Variants in ASS1 observed in about 807,000 individuals in gnomAD.
ASS1 encodes argininosuccinate synthase 1, also known as argininosuccinate synthase.
In ASS1, 58 loss-of-function variants were observed where a neutral mutation model predicts 60.5. The observed-to-expected ratio is 0.96, with a 90% CI of 0.78 to 1.19. The LOEUF (loss-of-function observed/expected upper bound fraction) is 1.19. Among genes scored for constraint, ASS1 ranks in the 50% most tolerant of loss-of-function variants. The pLI, the probability that ASS1 is intolerant of heterozygous loss-of-function variation, is 0.00. For missense variants in ASS1, 454 were observed against 547.3 expected (o/e 0.83, Z 1.70); for synonymous variants, 200 against 206.9 (o/e 0.97, Z 0.29).
Position 130,501,121 on chromosome 9 carries a change from C to T in ASS1, c.*100C>T, listed in dbSNP as rs911251437. The T allele has an allele frequency of 7.4e-6, 10 of 1,356,084 alleles. No homozygotes were observed. The highest frequency in any genetic ancestry group is 7.2e-5 in the African/African-American group (5 of 69,714). The allele number at this position is 1,356,084 out of a possible 1,614,324, so 84.0% of individuals were successfully genotyped here. A position where few individuals can be genotyped will look rare whatever the true frequency, so the allele number is the denominator to read the frequency against. On this transcript the variant is annotated 3_prime_UTR_variant, in exon 15 of 15. Transcript: ENST00000352480. ...ATTTGTAATTGTGACTTGTTCTCCC[C>T]GGCTGGCAGCGTAGTGGGGCTGCCA...
intron 8 of ASS1, among the ~76,000 whole-genome samples, chr9:130,474,891 C>T (rs774152136): frequency 3.9e-5 from 6 of 152,222 alleles, no homozygotes; most frequent in Non-Finnish European, 7.3e-5. Context: ...CTGGGGGTCC[C>T]TCAGGGCCCC....
At chr9:130,447,658 G>A (rs1016078015) in intron 1 of ASS1, among the ~76,000 whole-genome samples, 2 of 152,220 alleles carry the variant, frequency 1.3e-5, no homozygotes, top group Non-Finnish European at 2.9e-5. Context: ...GGCCCTTTCT[G>A]GGGGATGTGG....
chr9:130,460,116 C>T (rs181705706), intron 4 of ASS1, among the ~76,000 whole-genome samples: 84 of 152,342 alleles, frequency 5.5e-4, no homozygotes, highest in Admixed American at 5.5e-3. Context: ...GAGCTCACTA[C>T]CTCGCCTGCC....
chr9:130,475,461 C>CT (rs1433058041), intron 8 of ASS1, among the ~76,000 whole-genome samples: 4 of 152,216 alleles, frequency 2.6e-5, no homozygotes, highest in African/African-American at 7.2e-5. Flanking sequence ...CCAAGGCCCC[C>CT]CAGCCTGAGC....
intron 7 of ASS1, 43 bp from the exon 8 acceptor site, chr9:130,471,442 T>C (rs771355143): frequency 3.7e-6 from 6 of 1,610,834 alleles, no homozygotes; most frequent in African/African-American, 1.3e-5. Flanking sequence ...GGACATGCCA[T>C]GTCCCTCCCC....
At chr9:130,466,493 C>T (rs1213992300) in intron 5 of ASS1, 1 of 597,270 alleles carries the variant, frequency 1.7e-6, no homozygotes, top group Non-Finnish European at 3.0e-6. Context: ...CACCCCAACA[C>T]ACCACCATTC....
chr9:130,486,445 A>C lies in ASS1; in HGVS notation c.839-2888A>C, dbSNP rs563562042. 1.9e-3 allele frequency among the ~76,000 whole-genome samples: 285 copies of C among 152,160 alleles called. 1 individual carries two copies. Among genetic ancestry groups the C allele is most frequent in the African/African-American group, 6.4e-3 (265 of 41,510 alleles). On this transcript the variant is annotated intron_variant, in intron 11 of 14. Transcript: ENST00000352480. Reference sequence around the variant, plus strand: ...CAGGCTGTCTATAATGACTTTTCTCAGTCATTCCTCTGTTTCTGCTGCCAT... The same window carrying C: ...CAGGCTGTCTATAATGACTTTTCTCCGTCATTCCTCTGTTTCTGCTGCCAT...
chr9:130,479,943 T>C (rs1554723572), intron 10 of ASS1, 143 bp downstream of exon 10: 1 of 1,022,432 alleles, frequency 9.8e-7, no homozygotes, highest in Non-Finnish European at 1.6e-6. Flanking sequence ...CCACAGAGTT[T>C]CCCGGACCAG....
At position 130,476,445 on chromosome 9, in the gene ASS1, G is replaced by A. The variant is rs1846021284; in HGVS notation, c.598-426G>A. ...GGCTCGGCTTGCCAGAGCACCTGCT[G>A]GGGTCACAGGCAGTCATTAGCTTTG... On this transcript the variant is annotated intron_variant, in intron 8 of 14. Coordinates refer to ENST00000352480, the MANE Select transcript of ASS1 (RefSeq NM_054012.4). The surrounding 1 kb of genome is among the most constrained non-coding windows in gnomAD (Gnocchi z 4.9). 4.4e-6 allele frequency: 1 copy of A among 226,824 alleles called. No individual in the cohort carries two copies. Among genetic ancestry groups the A allele is most frequent in the Non-Finnish European group, 8.7e-6 (1 of 114,888 alleles). The allele number at this position is 226,824 out of a possible 1,614,324, so 14.1% of individuals were successfully genotyped here.
At chr9:130,458,922 G>A (rs1430036288) in intron 4 of ASS1, among the ~76,000 whole-genome samples, 11 of 152,230 alleles carry the variant, frequency 7.2e-5, no homozygotes, top group African/African-American at 2.4e-5. Flanking sequence ...CAGGGGACAC[G>A]CAGGAAAGTG....
At chr9:130,447,744 G>T (rs927262972) in intron 1 of ASS1, among the ~76,000 whole-genome samples, 9 of 152,192 alleles carry the variant, frequency 5.9e-5, no homozygotes, top group Non-Finnish European at 1.2e-4. Context: ...CAGGAAGAAA[G>T]CCCAATGTCT....
intron 11 of ASS1, among the ~76,000 whole-genome samples, chr9:130,484,656 G>C (rs1399798632): frequency 2.6e-5 from 4 of 152,018 alleles, no homozygotes; most frequent in Admixed American, 6.5e-5. Context: ...CTGCGCAGTG[G>C]TTTGTATGCC....
intron 3 of ASS1, among the ~76,000 whole-genome samples, chr9:130,458,105 G>A (rs1412425392): frequency 6.6e-6 from 1 of 150,478 alleles, no homozygotes; most frequent in Non-Finnish European, 1.5e-5. Context: ...GTTGCAGTGA[G>A]TTGAGACTGA....
intron 13 of ASS1, among the ~76,000 whole-genome samples, chr9:130,499,048 G>A (rs748136090): frequency 1.3e-5 from 2 of 152,180 alleles, no homozygotes; most frequent in East Asian, 1.9e-4. Context: ...AATGCTGGAG[G>A]CCTCCCTGCA....
intron 11 of ASS1, among the ~76,000 whole-genome samples, chr9:130,481,239 G>A (rs1037668064): frequency 2.0e-5 from 3 of 152,116 alleles, no homozygotes; most frequent in African/African-American, 7.2e-5. Flanking sequence ...TCAGCTCCCT[G>A]AGGGTCTGCC....
chr9:130,500,708 T>C (rs1040564111), intron 14 of ASS1, among the ~76,000 whole-genome samples: 1 of 152,174 alleles, frequency 6.6e-6, no homozygotes, highest in Non-Finnish European at 1.5e-5. Context: ...GCTTACATAG[T>C]GGCCTCTTCA....
intron 5 of ASS1, among the ~76,000 whole-genome samples, chr9:130,464,439 A>T (rs943122458): frequency 3.9e-5 from 6 of 152,160 alleles, no homozygotes; most frequent in Non-Finnish European, 8.8e-5. Flanking sequence ...CTTCAGCCAC[A>T]TCCCTGGCAT....
intron 11 of ASS1, among the ~76,000 whole-genome samples, chr9:130,481,765 T>G (rs1442497428): frequency 6.6e-6 from 1 of 152,132 alleles, no homozygotes; most frequent in Non-Finnish European, 1.5e-5. Context: ...TCGAAAGACA[T>G]GGGAGCGCGG....
chr9:130,489,729 G>T lies in ASS1; in HGVS notation c.970+265G>T, dbSNP rs56186944. Among the ~76,000 whole-genome samples the T allele has an allele frequency of 0.1, 15,230 of 152,272 alleles. 856 individuals are homozygous for T. The highest frequency in any genetic ancestry group is 0.11 in the African/African-American group (4,558 of 41,542). On this transcript the variant is annotated intron_variant, in intron 12 of 14. Transcript: ENST00000352480. The surrounding 1 kb of genome is among the most constrained non-coding windows in gnomAD (Gnocchi z 4.1). ...CACCGGCTTCCCAAGGTGTCCGGCAGCTTCCACCCCCTACAGTTTGCATGA... is the reference window on the plus strand; with the variant it reads ...CACCGGCTTCCCAAGGTGTCCGGCATCTTCCACCCCCTACAGTTTGCATGA...
Sources: gnomAD v4.1 joint callset for allele counts (sites outside exome capture counted in the v4.1 genomes callset) on GRCh38, gnomAD v4.1.1 for gene constraint, Gnocchi (gnomAD v3.1) non-coding constraint, MANE v1.5 for transcripts, NCBI Gene and HGNC (gene_info 2026-07-23, HGNC 2026-07-21) for gene names.